Variants in SMARCC1 observed in about 807,000 individuals in gnomAD.
SMARCC1 encodes the protein SWI/SNF complex subunit SMARCC1.
Under a neutral mutation model 147.4 loss-of-function variants are expected in SMARCC1, and 43 were observed. The ratio of observed to expected loss-of-function variants is 0.29; its 90% CI spans 0.23 to 0.38. SMARCC1 has a LOEUF of 0.38. Ranked by LOEUF, SMARCC1 falls within the 10% of genes least tolerant of loss-of-function variation. SMARCC1 has a pLI of 1.00. For missense variants in SMARCC1, 1,119 were observed against 1,381.1 expected (o/e 0.81, Z 3.01); for synonymous variants, 495 against 484.4 (o/e 1.02, Z -0.29).
rs530870827 is a variant in SMARCC1, at chr3:47,718,071, G to A, written c.716+2595C>T. ...GCCAGCCCCCAGGGAGGCTGAGGTTGGAGGATCACTTGAGCTGTCTTCATG... is the reference window on the plus strand; with the variant it reads ...GCCAGCCCCCAGGGAGGCTGAGGTTAGAGGATCACTTGAGCTGTCTTCATG... On this transcript the variant is annotated intron_variant, in intron 7 of 27. Coordinates refer to ENST00000254480, the MANE Select transcript of SMARCC1 (RefSeq NM_003074.4). Among the ~76,000 whole-genome samples the A allele has an allele frequency of 3.4e-5, 5 of 148,632 alleles. No individual in the cohort carries two copies. The East Asian group carries it at 8.0e-4, about 24-fold the overall frequency.
At chr3:47,588,366 G>A (rs1486986767) in intron 27 of SMARCC1, 60 bp from the exon 28 acceptor site, 1 of 1,498,116 alleles carries the variant, frequency 6.7e-7, no homozygotes, top group Non-Finnish European at 9.2e-7. Context: ...TCAGGAAAGA[G>A]CCTATTCAGT....
At chr3:47,750,029 C>G (rs997156134) in intron 2 of SMARCC1, among the ~76,000 whole-genome samples, 2 of 151,364 alleles carry the variant, frequency 1.3e-5, no homozygotes, top group African/African-American at 4.9e-5. Flanking sequence ...TTGCAGTGAG[C>G]CAAGATGGTG....
intron 25 of SMARCC1, among the ~76,000 whole-genome samples, chr3:47,611,785 G>C (rs2032568970): frequency 6.6e-6 from 1 of 152,192 alleles, no homozygotes; most frequent in South Asian, 2.1e-4. Context: ...AGTAGCAACT[G>C]GGGTATTTCC....
At chr3:47,605,330 A>C (rs4618243) in intron 26 of SMARCC1, among the ~76,000 whole-genome samples, 1 of 152,356 alleles carries the variant, frequency 6.6e-6, no homozygotes, top group East Asian at 1.9e-4. Context: ...TATTCATAAT[A>C]ACTAAAATCC....
intron 1 of SMARCC1, among the ~76,000 whole-genome samples, chr3:47,774,086 T>A (rs950064497): frequency 1.3e-5 from 2 of 152,166 alleles, no homozygotes; most frequent in African/African-American, 4.8e-5. Context: ...GGTATGTCTC[T>A]ATTACAATAA....
intron 7 of SMARCC1, among the ~76,000 whole-genome samples, chr3:47,719,745 T>C (rs1307784891): frequency 6.6e-6 from 1 of 152,022 alleles, no homozygotes; most frequent in African/African-American, 2.4e-5. Context: ...AAAAATTATT[T>C]ATTTTTTGAA....
Position 47,736,081 on chromosome 3 carries a change from C to A in SMARCC1, c.529G>T (p.Asp177Tyr). The A allele has an allele frequency of 6.2e-7, 1 of 1,603,072 alleles. No homozygotes were observed. Among genetic ancestry groups the A allele is most frequent in the South Asian group, 1.1e-5 (1 of 88,892 alleles). The change falls in exon 5 of 28, where the codon GAT (aspartate) becomes TAT (tyrosine). Residue 177 changes from aspartate (D) to tyrosine (Y), a missense_variant. By Grantham distance (160) the Asp-to-Tyr change is radical (BLOSUM62 -3). Transcript: ENST00000254480. The part of the protein sequence containing the change: ...RPNIYLIPDI[D>Y]LKLANKLKDI... ...TTCAATTTGTTAGCCAACTTCAGATCAATGTCTGGAATGAGGTAGATGTTG... is the reference window on the plus strand; with the variant it reads ...TTCAATTTGTTAGCCAACTTCAGATAAATGTCTGGAATGAGGTAGATGTTG...
chr3:47,678,341 G>T, intron 15 of SMARCC1, 30 bp from the exon 16 acceptor site: 2 of 1,120,642 alleles, frequency 1.8e-6, no homozygotes, highest in Non-Finnish European at 2.6e-6. Context: ...TTCATAAGGT[G>T]GACATGTATC....
intron 22 of SMARCC1, among the ~76,000 whole-genome samples, chr3:47,637,025 C>T (rs891631450): frequency 6.6e-6 from 1 of 152,100 alleles, no homozygotes; most frequent in South Asian, 2.1e-4. Context: ...AAAACCGCAA[C>T]TGACTATCAC....
intron 2 of SMARCC1, among the ~76,000 whole-genome samples, chr3:47,747,236 C>T (rs969241321): frequency 6.6e-6 from 1 of 151,690 alleles, no homozygotes; most frequent in African/African-American, 2.4e-5. Flanking sequence ...GAGTTCAAGA[C>T]CAGCCTGGGC....
At chr3:47,720,820 GT>G in intron 6 of SMARCC1, 85 bp from the exon 7 acceptor site, 1 of 1,068,526 alleles carries the variant, frequency 9.4e-7, no homozygotes. Context: ...TTACTAAGAT[GT>G]TTTAGTTTGC....
At chr3:47,672,225 C>T (rs6442076) in intron 18 of SMARCC1, among the ~76,000 whole-genome samples, 144,228 of 150,854 alleles carry the variant, frequency 0.96, 69,244 homozygotes, top group East Asian at 1. Flanking sequence ...CTTTTCTTTT[C>T]TTTTTTTGAG....
At chr3:47,663,551 G>C (rs2033379727) in intron 19 of SMARCC1, 1 of 1,168,450 alleles carries the variant, frequency 8.6e-7, no homozygotes, top group Non-Finnish European at 1.2e-6. Flanking sequence ...TTCAAGGCCA[G>C]CCTGACAAAC....
intron 10 of SMARCC1, chr3:47,701,634 C>A (rs552383134): frequency 1.2e-5 from 5 of 430,324 alleles, no homozygotes; most frequent in African/African-American, 4.1e-5. Flanking sequence ...ACCAACATAG[C>A]GAATCCCCGT....
chr3:47,730,682 G>A (rs1056793151), intron 5 of SMARCC1, among the ~76,000 whole-genome samples: 2 of 151,960 alleles, frequency 1.3e-5, no homozygotes, highest in Admixed American at 1.3e-4. Context: ...CCTAGCCAAC[G>A]TGGTGAAACG....
At chr3:47,658,123 T>G (rs2033287550) in intron 21 of SMARCC1, among the ~76,000 whole-genome samples, 1 of 152,152 alleles carries the variant, frequency 6.6e-6, no homozygotes, top group Non-Finnish European at 1.5e-5. Context: ...GCCTTTATCT[T>G]GTCTGACTTT....
At chr3:47,769,554 C>G (rs1182444870) in intron 2 of SMARCC1, among the ~76,000 whole-genome samples, 2 of 151,900 alleles carry the variant, frequency 1.3e-5, no homozygotes, top group East Asian at 3.9e-4. Context: ...GTGTTGCCAC[C>G]ACTACCTGAA....
intron 24 of SMARCC1, among the ~76,000 whole-genome samples, chr3:47,632,210 T>C (rs1213100381): frequency 6.6e-6 from 1 of 152,164 alleles, no homozygotes. Context: ...TAATCAGTAG[T>C]GTATACCAGG....
At chr3:47,689,353 A>C (rs755878481) in intron 13 of SMARCC1, 34 bp downstream of exon 13, 5 of 1,576,286 alleles carry the variant, frequency 3.2e-6, no homozygotes, top group African/African-American at 2.7e-5. Context: ...CCCTTAGAGA[A>C]GCTCTCTCAC....
Sources: gnomAD v4.1 joint callset for allele counts (sites outside exome capture counted in the v4.1 genomes callset) on GRCh38, gnomAD v4.1.1 for gene constraint, MANE v1.5 for transcripts, NCBI Gene and HGNC (gene_info 2026-07-23, HGNC 2026-07-21) for gene names.